Variants in TTC13 observed in about 807,000 individuals in gnomAD.
TTC13 encodes the protein tetratricopeptide repeat protein 13.
TTC13 carries 62 observed loss-of-function variants against 120.0 expected under a neutral mutation model. That is an observed-to-expected ratio of 0.52 (90% CI 0.42 to 0.64). The LOEUF is 0.64. Ranked by LOEUF, TTC13 falls within the 30% of genes least tolerant of loss-of-function variation. The pLI, the probability that TTC13 is intolerant of heterozygous loss-of-function variation, is 0.00. For synonymous variants in TTC13, 384 were observed against 393.5 expected (o/e 0.98, Z 0.28); for missense variants, 824 against 1,050.2 (o/e 0.78, Z 2.98).
intron 1 of TTC13, among the ~76,000 whole-genome samples, chr1:230,964,136 T>C (rs1676906436): frequency 6.6e-6 from 1 of 152,196 alleles, no homozygotes; most frequent in Admixed American, 6.5e-5. Flanking sequence ...TTTCAATAAA[T>C]ATACACCTAC....
At chr1:230,962,469 G>A (rs111487824) in intron 1 of TTC13, among the ~76,000 whole-genome samples, 17 of 152,266 alleles carry the variant, frequency 1.1e-4, no homozygotes, top group African/African-American at 4.1e-4. Flanking sequence ...TAGCAAGAAT[G>A]TAGAAAAATT....
intron 1 of TTC13, among the ~76,000 whole-genome samples, chr1:230,970,066 T>G (rs1677568315): frequency 6.6e-6 from 1 of 152,212 alleles, no homozygotes. Flanking sequence ...TGAACATGTT[T>G]AAGGTCACAA....
chr1:230,971,747 C>T lies in TTC13; in HGVS notation c.271+6813G>A, dbSNP rs566867364. ...GAATCAAAAGAAAAGGAATTCACTG[C>T]ACGGGATGGAAAAACAGGCACAGTA... On this transcript the variant is annotated intron_variant, in intron 1 of 22. Transcript: ENST00000366661. Among the ~76,000 whole-genome samples, 6 of 152,202 alleles carry T rather than the reference C, an allele frequency of 3.9e-5. No individual in the cohort carries two copies. The South Asian group carries it at 1.2e-3, about 32-fold the overall frequency.
At position 230,978,657 on chromosome 1, in the gene TTC13, C is replaced by T. The variant is rs1016356427; in HGVS notation, c.174G>A (p.Glu58=). 5 of 1,481,550 alleles carry T rather than the reference C, an allele frequency of 3.4e-6. No individual in the cohort carries two copies. In the African/African-American group the frequency reaches 5.9e-5, roughly 17 times the overall value. 91.8% of individuals were successfully genotyped at this position (1,481,550 alleles called of 1,614,324 possible). A position where few individuals can be genotyped will look rare whatever the true frequency, so the allele number is the denominator to read the frequency against. The change falls in exon 1 of 23, where the codon GAG becomes GAA. Residue 58 remains glutamate (E), a synonymous_variant. Transcript: ENST00000366661. The surrounding 1 kb of genome is among the most constrained non-coding windows in gnomAD (Gnocchi z 5.6). The part of the protein sequence containing the change: ...HYSPLSLLKQ[E]LQHRQQQEAP... Reference sequence around the variant, plus strand: ...CCTCCTGCTGCTGCCGGTGCTGCAGCTCCTGCTTGAGCAGGGAGAGCGGCG... The same window carrying T: ...CCTCCTGCTGCTGCCGGTGCTGCAGTTCCTGCTTGAGCAGGGAGAGCGGCG...
chr1:230,941,384 C>A (rs542093998), intron 6 of TTC13, among the ~76,000 whole-genome samples: 1 of 152,308 alleles, frequency 6.6e-6, no homozygotes, highest in South Asian at 2.1e-4. Flanking sequence ...TAACCTCGGA[C>A]TCCTGGGCTC....
intron 1 of TTC13, among the ~76,000 whole-genome samples, chr1:230,974,788 T>C (rs555043740): frequency 2.0e-5 from 3 of 152,274 alleles, no homozygotes; most frequent in East Asian, 1.9e-4. Context: ...GGTATACAAA[T>C]AGTTTTTCAA....
Position 230,957,483 on chromosome 1 carries a change from C to T in TTC13, c.442+741G>A, listed in dbSNP as rs148380812. 1.6e-4 allele frequency among the ~76,000 whole-genome samples: 25 copies of T among 152,278 alleles called. No individual in the cohort carries two copies. The East Asian group carries it at 4.6e-3, about 28-fold the overall frequency. ...AGGAGCACTTAGTCTTAATATCAAACGTGTATGACCATGGTAAGGATAAAA... is the reference window on the plus strand; with the variant it reads ...AGGAGCACTTAGTCTTAATATCAAATGTGTATGACCATGGTAAGGATAAAA... On this transcript the variant is annotated intron_variant, in intron 3 of 22. Transcript: ENST00000366661.
intron 8 of TTC13, among the ~76,000 whole-genome samples, chr1:230,937,692 A>C (rs985339173): frequency 5.3e-5 from 8 of 152,200 alleles, no homozygotes; most frequent in African/African-American, 1.9e-4. Flanking sequence ...GTGGGATGGG[A>C]GTTTTCTTTT....
At chr1:230,943,944 C>T in intron 5 of TTC13, 46 bp from the exon 6 acceptor site, 3 of 1,440,964 alleles carry the variant, frequency 2.1e-6, no homozygotes, top group Non-Finnish European at 2.8e-6. Flanking sequence ...TTACTCAAAA[C>T]CAGGCTGAAA....
At chr1:230,915,684 A>C (rs77782998) in intron 18 of TTC13, among the ~76,000 whole-genome samples, 7,240 of 152,228 alleles carry the variant, frequency 0.048, 231 homozygotes, top group Non-Finnish European at 0.076. Context: ...TTTAAAGAAA[A>C]TAACTTGATT....
intron 1 of TTC13, among the ~76,000 whole-genome samples, chr1:230,961,857 A>G (rs941627631): frequency 2.0e-5 from 3 of 152,178 alleles, no homozygotes; most frequent in African/African-American, 7.2e-5. Context: ...AGCATTTACC[A>G]TAGATTAAAA....
intron 2 of TTC13, among the ~76,000 whole-genome samples, chr1:230,959,174 T>C (rs1192885333): frequency 1.3e-5 from 2 of 152,110 alleles, no homozygotes; most frequent in African/African-American, 4.8e-5. Context: ...AGTCTGTAAA[T>C]ATTGCTTTAT....
intron 20 of TTC13, 44 bp downstream of exon 20, chr1:230,911,426 C>T (rs1301903326): frequency 2.8e-6 from 4 of 1,406,100 alleles, no homozygotes; most frequent in South Asian, 1.3e-5. Flanking sequence ...AAAAAGAACA[C>T]ATTTCTCAAT....
At position 230,961,322 on chromosome 1, in the gene TTC13, T is replaced by A; in HGVS notation, c.272-19A>T. The A allele has an allele frequency of 6.3e-7, 1 of 1,576,290 alleles. No homozygotes were observed. The highest frequency in any genetic ancestry group is 8.7e-7 in the Non-Finnish European group (1 of 1,148,128). ...GATGACTCTGAAAGGCAAGCATTCT[T>A]TGTTATTCTCTACACCTTAATTTAT... On this transcript the variant is annotated intron_variant, in intron 1 of 22. Coordinates refer to ENST00000366661, the MANE Select transcript of TTC13 (RefSeq NM_024525.5).
At chr1:230,948,838 A>G (rs1427633885) in intron 4 of TTC13, among the ~76,000 whole-genome samples, 1 of 151,906 alleles carries the variant, frequency 6.6e-6, no homozygotes, top group Non-Finnish European at 1.5e-5. Flanking sequence ...CCCTACATAC[A>G]AGATGCTTTC....
At chr1:230,926,904 C>T (rs964098265) in intron 12 of TTC13, among the ~76,000 whole-genome samples, 8 of 152,138 alleles carry the variant, frequency 5.3e-5, no homozygotes, top group African/African-American at 1.9e-4. Context: ...TCCTGACTCA[C>T]GTACCTTTTT....
intron 8 of TTC13, among the ~76,000 whole-genome samples, chr1:230,934,911 T>C (rs2102854390): frequency 6.6e-6 from 1 of 152,310 alleles, no homozygotes; most frequent in Middle Eastern, 3.4e-3. Context: ...CACAAAATTG[T>C]TTTGCAAAAG....
chr1:230,973,829 G>T (rs1383682634), intron 1 of TTC13, among the ~76,000 whole-genome samples: 1 of 152,152 alleles, frequency 6.6e-6, no homozygotes, highest in Non-Finnish European at 1.5e-5. Context: ...TGTAATTCCA[G>T]CACTTTGGGA....
At chr1:230,970,222 C>T (rs1263101346) in intron 1 of TTC13, among the ~76,000 whole-genome samples, 1 of 152,184 alleles carries the variant, frequency 6.6e-6, no homozygotes, top group Non-Finnish European at 1.5e-5. Flanking sequence ...CCTCCTAAAC[C>T]TCACACACAA....
Sources: gnomAD v4.1 joint callset for allele counts (sites outside exome capture counted in the v4.1 genomes callset) on GRCh38, gnomAD v4.1.1 for gene constraint, Gnocchi (gnomAD v3.1) non-coding constraint, MANE v1.5 for transcripts, NCBI Gene and HGNC (gene_info 2026-07-23, HGNC 2026-07-21) for gene names.